PDPR: variants seen among roughly 807,000 people sequenced by gnomAD.
The protein encoded by PDPR is pyruvate dehydrogenase phosphatase regulatory subunit, mitochondrial.
PDPR carries 50 observed loss-of-function variants against 102.2 expected under a neutral mutation model. That is an observed-to-expected ratio of 0.49 (90% CI 0.39 to 0.62). The LOEUF (loss-of-function observed/expected upper bound fraction) is 0.62, where lower values mean the gene tolerates loss of function less well. Among genes scored for constraint, PDPR ranks in the 20% least tolerant of loss-of-function variants. The pLI is 0.00. For missense variants in PDPR, 625 were observed against 1,098.2 expected, an observed-to-expected ratio of 0.57 and a Z score of 6.09; for synonymous variants, 259 against 406.0, an observed-to-expected ratio of 0.64 and a Z score of 4.35.
chr16:70,138,239 T>C (rs374149965), intron 10 of PDPR, among the ~76,000 whole-genome samples: 37 of 124,248 alleles, frequency 3.0e-4, no homozygotes, highest in African/African-American at 1.2e-3. Flanking sequence ...TTTTTTTGAG[T>C]TGGGGTTTCG....
intron 4 of PDPR, among the ~76,000 whole-genome samples, chr16:70,128,454 C>G (rs1964203313): frequency 6.6e-6 from 1 of 152,258 alleles, no homozygotes; most frequent in South Asian, 2.1e-4. Context: ...TCTCAAACTA[C>G]TGACCTCAGA....
chr16:70,118,051 C>T (rs146885047), intron 2 of PDPR, among the ~76,000 whole-genome samples: 1 of 151,142 alleles, frequency 6.6e-6, no homozygotes, highest in Non-Finnish European at 1.5e-5. Context: ...CGAGATCACA[C>T]CGCTGCACTC....
intron 13 of PDPR, 69 bp from the exon 14 acceptor site, chr16:70,143,441 G>C (rs529204247): frequency 6.4e-7 from 1 of 1,566,624 alleles, no homozygotes; most frequent in African/African-American, 1.4e-5. Flanking sequence ...GTTCATTGCT[G>C]GTGGGGCCAT....
At chr16:70,118,831 A>C (rs1358242195) in intron 2 of PDPR, among the ~76,000 whole-genome samples, 1 of 152,108 alleles carries the variant, frequency 6.6e-6, no homozygotes, top group African/African-American at 2.4e-5. Context: ...GGCCAAGACA[A>C]TTTGTCTCCA....
chr16:70,153,710 A>C, intron 18 of PDPR, 137 bp downstream of exon 18: 1 of 940,542 alleles, frequency 1.1e-6, no homozygotes, highest in Non-Finnish European at 1.6e-6. Flanking sequence ...GTAAATGAGG[A>C]CAAGAGTGCC....
intron 11 of PDPR, among the ~76,000 whole-genome samples, chr16:70,140,283 G>T (rs1348463468): frequency 6.6e-6 from 1 of 152,264 alleles, no homozygotes; most frequent in African/African-American, 2.4e-5. Flanking sequence ...TGAGGCTGCA[G>T]TGAGCCATGA....
Position 70,159,023 on chromosome 16 carries a change from T to C in PDPR, c.*2144T>C, listed in dbSNP as rs1967515341. 1 of 152,384 alleles carries C rather than the reference T, an allele frequency of 6.6e-6. No individual in the cohort carries two copies. The highest frequency in any genetic ancestry group is 2.1e-4 in the South Asian group (1 of 4,836). 9.4% of individuals were successfully genotyped at this position (152,384 alleles called of 1,614,324 possible). A position where few individuals can be genotyped will look rare whatever the true frequency, so the allele number is the denominator to read the frequency against. ...ATAGCAGTATCACCACTTACCAGGA[T>C]CCAAATCGAAATAATAAAAGCTGTC... is the stretch of plus-strand genomic sequence containing the variant. On this transcript the variant is annotated 3_prime_UTR_variant, in exon 19 of 19. Coordinates refer to ENST00000288050, the MANE Select transcript of PDPR (RefSeq NM_017990.5).
intron 2 of PDPR, among the ~76,000 whole-genome samples, chr16:70,117,431 T>C (rs112621380): frequency 1.3e-5 from 2 of 150,318 alleles, no homozygotes; most frequent in Admixed American, 6.6e-5. Context: ...GGCAGGAGAA[T>C]GGCATCAACC....
At chr16:70,163,408 C>A (rs1385353387), downstream of PDPR, among the ~76,000 whole-genome samples, 5 of 152,252 alleles carry the variant, frequency 3.3e-5, no homozygotes. Flanking sequence ...CTGGGACTCA[C>A]CTGGTCTCCC....
intron 8 of PDPR, 43 bp downstream of exon 8, chr16:70,131,462 G>A (rs535696721): frequency 6.8e-7 from 1 of 1,472,090 alleles, no homozygotes. Flanking sequence ...TTCTTTGCCA[G>A]TATCCTGTCC....
chr16:70,154,804 AT>A (rs1301799686), intron 18 of PDPR, among the ~76,000 whole-genome samples: 1 of 152,196 alleles, frequency 6.6e-6, no homozygotes, highest in Admixed American at 6.5e-5. Context: ...TGCCCAGCTA[AT>A]TTTTTTGTAT....
intron 2 of PDPR, among the ~76,000 whole-genome samples, chr16:70,119,275 T>G (rs1359778538): frequency 6.6e-6 from 1 of 152,096 alleles, no homozygotes; most frequent in East Asian, 1.9e-4. Context: ...GTTTTTCTTA[T>G]AATTCTACCA....
intron 4 of PDPR, among the ~76,000 whole-genome samples, chr16:70,128,020 G>A (rs1964148501): frequency 6.6e-6 from 1 of 152,348 alleles, no homozygotes; most frequent in Non-Finnish European, 1.5e-5. Context: ...CTTCCAGGAG[G>A]GTCTGATTGG....
intron 3 of PDPR, among the ~76,000 whole-genome samples, chr16:70,121,230 TTA>T (rs1272561970): frequency 2.0e-5 from 3 of 152,116 alleles, no homozygotes; most frequent in Non-Finnish European, 4.4e-5. Flanking sequence ...CTCTATAGGC[TTA>T]GTTTCTCTGT....
chr16:70,156,282 C>T (rs373099802), intron 18 of PDPR, 193 bp from the exon 19 acceptor site: 16 of 651,810 alleles, frequency 2.5e-5, no homozygotes, highest in Non-Finnish European at 3.1e-5. Context: ...AAAATTACCG[C>T]GGCGTCTTTT....
intron 7 of PDPR, among the ~76,000 whole-genome samples, 192 bp downstream of exon 7, chr16:70,130,736 C>T (rs1964458659): frequency 6.6e-6 from 1 of 152,282 alleles, no homozygotes; most frequent in South Asian, 2.1e-4. Context: ...GTCCTTCCTC[C>T]ACACTGGGTT....
At chr16:70,116,394 G>GT (rs1288541991) in intron 2 of PDPR, among the ~76,000 whole-genome samples, 1 of 144,930 alleles carries the variant, frequency 6.9e-6, no homozygotes, top group Non-Finnish European at 1.5e-5. Flanking sequence ...GTTTTGTTTT[G>GT]TTTAAGACAG....
At chr16:70,128,046 A>G (rs1964151208) in intron 4 of PDPR, among the ~76,000 whole-genome samples, 1 of 152,276 alleles carries the variant, frequency 6.6e-6, no homozygotes, top group African/African-American at 2.4e-5. Context: ...CTTAGGTCAC[A>G]TGCCCACTGT....
In PDPR at chr16:70,120,687, G is replaced by A. The variant is rs370282103; in HGVS notation, c.195G>A (p.Gly65=). The A allele has an allele frequency of 6.8e-6, 11 of 1,613,304 alleles. No individual in the cohort carries two copies. In the African/African-American group the frequency reaches 9.3e-5, roughly 14 times the overall value. ...TGGCCTATCACCTCTCCAAAATGGGGTGGAAGGATATTGTCCTTTTGGAGC... is the reference window on the plus strand; with the variant it reads ...TGGCCTATCACCTCTCCAAAATGGGATGGAAGGATATTGTCCTTTTGGAGC... The part of the protein sequence containing the change: ...TSVAYHLSKM[G]WKDIVLLEQG... Residue 65 remains glycine (G), a synonymous_variant, in exon 3 of 19, where the codon GGG becomes GGA. Transcript: ENST00000288050.
Sources: allele counts gnomAD v4.1 joint callset (sites outside exome capture counted in the v4.1 genomes callset), GRCh38; gene constraint gnomAD v4.1.1; transcripts MANE v1.5; gene names NCBI Gene and HGNC (gene_info 2026-07-23, HGNC 2026-07-21).